Variants in TRMT44 observed in about 807,000 individuals in gnomAD.
TRMT44 encodes tRNA methyltransferase 44 homolog.
TRMT44 carries 78 observed loss-of-function variants against 77.3 expected under a neutral mutation model. The observed-to-expected ratio is 1.01, with a 90% CI of 0.84 to 1.22. The LOEUF (loss-of-function observed/expected upper bound fraction) is 1.22. Ranked by LOEUF, TRMT44 falls within the 50% of genes most tolerant of loss-of-function variation. TRMT44 has a pLI of 0.00. For missense variants in TRMT44, 1,090 were observed against 964.4 expected (o/e 1.13, Z -1.73); for synonymous variants, 391 against 383.3 (o/e 1.02, Z -0.23).
chr4:8,467,820 C>T, intron 8 of TRMT44, 94 bp from the exon 9 acceptor site: 2 of 1,348,116 alleles, frequency 1.5e-6, no homozygotes, highest in South Asian at 1.5e-5. Context: ...ACATTGAAAA[C>T]TTGTGATTTG....
At chr4:8,496,743 A>C (rs1002921805), downstream of TRMT44, among the ~76,000 whole-genome samples, 2 of 151,836 alleles carry the variant, frequency 1.3e-5, no homozygotes, top group African/African-American at 4.8e-5. Flanking sequence ...GCAGCCAGTA[A>C]ATTTTCGCCT....
intron 2 of TRMT44, among the ~76,000 whole-genome samples, chr4:8,491,240 C>G (rs1445739250): frequency 1.1e-4 from 16 of 152,340 alleles, no homozygotes; most frequent in Non-Finnish European, 1.8e-4. Flanking sequence ...GGTGCACTCA[C>G]AAACCTAGAG....
chr4:8,496,647 GATTA>G (rs1168225256), downstream of TRMT44, among the ~76,000 whole-genome samples: 8 of 152,214 alleles, frequency 5.3e-5, no homozygotes, highest in African/African-American at 1.9e-4. Context: ...AGAGCTGTGT[GATTA>G]ATTAGAAACG....
chr4:8,471,439 C>A (rs904994627), intron 10 of TRMT44, among the ~76,000 whole-genome samples: 1 of 152,218 alleles, frequency 6.6e-6, no homozygotes, highest in Non-Finnish European at 1.5e-5. Flanking sequence ...CCAGGCTGGT[C>A]TCTCTCCCCC....
chr4:8,487,853 C>T (rs529444669), intron 2 of TRMT44, among the ~76,000 whole-genome samples: 1 of 152,304 alleles, frequency 6.6e-6, no homozygotes, highest in Admixed American at 6.5e-5. Flanking sequence ...TGGTCTGACA[C>T]CTCTGAAACC....
At chr4:8,483,053 A>G (rs1727678373) in intron 2 of TRMT44, among the ~76,000 whole-genome samples, 1 of 152,144 alleles carries the variant, frequency 6.6e-6, no homozygotes, top group East Asian at 1.9e-4. Flanking sequence ...GGTTGTTAGA[A>G]GAAACATTTG....
the TRMT44 span, among the ~76,000 whole-genome samples, chr4:8,499,928 T>TAG: frequency 1.3e-5 from 2 of 152,032 alleles, no homozygotes; most frequent in African/African-American, 2.4e-5. Flanking sequence ...AAAGCCAAAA[T>TAG]AGAGAGAGAG....
the TRMT44 span, among the ~76,000 whole-genome samples, chr4:8,516,872 A>G: frequency 6.6e-6 from 1 of 152,360 alleles, no homozygotes; most frequent in East Asian, 1.9e-4. Flanking sequence ...TCTCATGAGC[A>G]ATGTGGCCTT....
the TRMT44 span, among the ~76,000 whole-genome samples, chr4:8,515,549 G>T: frequency 6.6e-6 from 1 of 152,220 alleles, no homozygotes; most frequent in Non-Finnish European, 1.5e-5. Flanking sequence ...AGGGCTGTGG[G>T]AGCCCAGAGG....
intron 2 of TRMT44, among the ~76,000 whole-genome samples, chr4:8,490,594 G>C (rs530361132): frequency 6.6e-6 from 1 of 151,986 alleles, no homozygotes; most frequent in Non-Finnish European, 1.5e-5. Flanking sequence ...ATTCCTCCCC[G>C]TGGGCTCGTG....
rs202211520 is a variant in TRMT44, at chr4:8,454,830, G to A, written c.1203+17G>A. 2.1e-4 allele frequency: 335 copies of A among 1,612,742 alleles called. No individual in the cohort carries two copies. In the South Asian group the frequency reaches 3.1e-3, roughly 15 times the overall value. On this transcript the variant is annotated intron_variant, in intron 6 of 10. Coordinates refer to ENST00000389737, the MANE Select transcript of TRMT44 (RefSeq NM_152544.3). Reference sequence around the variant, plus strand: ...CAGTTAGAGGTACCGTCTTTATTACGCATGCCCTTGATCTCAGCATGGCTT... The same window carrying A: ...CAGTTAGAGGTACCGTCTTTATTACACATGCCCTTGATCTCAGCATGGCTT...
At chr4:8,445,868 C>T (rs116447230) in intron 1 of TRMT44, among the ~76,000 whole-genome samples, 71 of 152,138 alleles carry the variant, frequency 4.7e-4, no homozygotes, top group Admixed American at 1.6e-3. Context: ...AAGGTAAACA[C>T]GATTGATTTT....
downstream of TRMT44, among the ~76,000 whole-genome samples, chr4:8,494,189 C>G (rs1448796778): frequency 6.6e-6 from 1 of 151,874 alleles, no homozygotes; most frequent in Non-Finnish European, 1.5e-5. Context: ...CCATTCTATT[C>G]CTAAATAAGA....
At chr4:8,449,203 T>G (rs1041747624) in intron 2 of TRMT44, among the ~76,000 whole-genome samples, 1 of 152,152 alleles carries the variant, frequency 6.6e-6, no homozygotes, top group African/African-American at 2.4e-5. Flanking sequence ...GCAGAAGACA[T>G]GTGAAAGACA....
chr4:8,443,358 A>G (rs934347563), intron 1 of TRMT44, among the ~76,000 whole-genome samples: 1 of 152,188 alleles, frequency 6.6e-6, no homozygotes, highest in African/African-American at 2.4e-5. Context: ...TTTCCCTCTC[A>G]ACAAGGAGTA....
At chr4:8,442,028 G>C (rs1724753127) in intron 1 of TRMT44, among the ~76,000 whole-genome samples, 1 of 152,236 alleles carries the variant, frequency 6.6e-6, no homozygotes, top group Admixed American at 6.5e-5. Context: ...TCTTTAACTT[G>C]TCGGAGAATA....
At chr4:8,466,243 T>C (rs1467992945) in intron 8 of TRMT44, among the ~76,000 whole-genome samples, 1 of 152,240 alleles carries the variant, frequency 6.6e-6, no homozygotes, top group Non-Finnish European at 1.5e-5. Flanking sequence ...GGCCACAGAA[T>C]TTGATGGCTG....
intron 2 of TRMT44, among the ~76,000 whole-genome samples, chr4:8,486,328 C>T (rs931279456): frequency 6.6e-6 from 1 of 152,196 alleles, no homozygotes; most frequent in Non-Finnish European, 1.5e-5. Flanking sequence ...GGAGATGTGG[C>T]TGGGGTTTGT....
intron 1 of TRMT44, among the ~76,000 whole-genome samples, chr4:8,442,083 A>G (rs1414562899): frequency 6.6e-6 from 1 of 152,238 alleles, no homozygotes; most frequent in Non-Finnish European, 1.5e-5. Flanking sequence ...GTCTGACCAC[A>G]TTGTAGTGAT....
Sources: allele counts gnomAD v4.1 joint callset (sites outside exome capture counted in the v4.1 genomes callset), GRCh38; gene constraint gnomAD v4.1.1; transcripts MANE v1.5; gene names NCBI Gene and HGNC (gene_info 2026-07-23, HGNC 2026-07-21).